The following ERC2 variants were observed in gnomAD, a reference collection of about 807,000 sequenced individuals.
ERC2 encodes the protein ERC protein 2.
A neutral mutation model predicts 114.8 loss-of-function variants in ERC2; 42 were observed. The ratio of observed to expected loss-of-function variants is 0.37; its 90% CI spans 0.29 to 0.47. ERC2 has a LOEUF of 0.47. Ranked by LOEUF, ERC2 falls within the 20% of genes least tolerant of loss-of-function variation. The pLI is 0.99. For synonymous variants in ERC2, 454 were observed against 425.5 expected (o/e 1.07, Z -0.82); for missense variants, 939 against 1,150.7 (o/e 0.82, Z 2.66).
rs777810290 is a variant in ERC2, at chr3:55,888,488, C to A, written c.2465G>T (p.Arg822Leu). Reference sequence around the variant, plus strand: ...CAGGGACTGTTGTGTGGAGGCGAGGCGTGCTTTGGTGGCATCCAGTTCCTG... The same window carrying A: ...CAGGGACTGTTGTGTGGAGGCGAGGAGTGCTTTGGTGGCATCCAGTTCCTG... The part of the protein sequence containing the change: ...TRQELDATKA[R>L]LASTQQSLAE... Residue 822 changes from arginine (R) to leucine (L), a missense_variant, in exon 14 of 18, where the codon CGC (arginine) becomes CTC (leucine). Arg to Leu is a moderately radical substitution (Grantham distance 102, BLOSUM62 -2). Around this residue, in one of 5 missense-constraint regions of ERC2, gnomAD observed 328 missense variants for 353.9 expected, o/e 0.93. Transcript: ENST00000288221. The A allele has an allele frequency of 1.9e-6, 3 of 1,613,744 alleles. No homozygotes were observed. Among genetic ancestry groups the A allele is most frequent in the Admixed American group, 1.7e-5 (1 of 59,984 alleles).
intron 17 of ERC2, among the ~76,000 whole-genome samples, chr3:55,577,829 A>G (rs184946321): frequency 1.4e-4 from 21 of 152,292 alleles, no homozygotes; most frequent in African/African-American, 4.3e-4. Context: ...ACCTCTCCCG[A>G]TCCACTGGAG....
At chr3:56,301,002 C>G (rs2055836730) in intron 2 of ERC2, among the ~76,000 whole-genome samples, 1 of 152,196 alleles carries the variant, frequency 6.6e-6, no homozygotes, top group Non-Finnish European at 1.5e-5. Flanking sequence ...GTAATCCCAG[C>G]ACTTCGGGAG....
chr3:56,360,193 G>A (rs1448332720), intron 2 of ERC2, among the ~76,000 whole-genome samples: 2 of 150,986 alleles, frequency 1.3e-5, no homozygotes, highest in African/African-American at 4.9e-5. Context: ...GGGACTACAG[G>A]CACCCACCAC....
At chr3:56,427,419 C>T (rs1194375526) in intron 2 of ERC2, among the ~76,000 whole-genome samples, 1 of 152,086 alleles carries the variant, frequency 6.6e-6, no homozygotes, top group African/African-American at 2.4e-5. Flanking sequence ...AGCCACTGCA[C>T]CCAGCCTAGT....
At chr3:55,639,239 G>A (rs1170239889) in intron 17 of ERC2, among the ~76,000 whole-genome samples, 1 of 152,194 alleles carries the variant, frequency 6.6e-6, no homozygotes, top group Non-Finnish European at 1.5e-5. Flanking sequence ...GACCAGGTAG[G>A]AGAAGAGCAC....
intron 11 of ERC2, among the ~76,000 whole-genome samples, chr3:55,989,914 A>G (rs1379720): frequency 0.71 from 107,853 of 151,998 alleles, 38,382 homozygotes; most frequent in East Asian, 0.83. Context: ...ATAGCTCACC[A>G]CTTCTCAGAG....
intron 14 of ERC2, among the ~76,000 whole-genome samples, chr3:55,754,480 G>A (rs12107286): frequency 0.17 from 22,860 of 131,038 alleles, 1,996 homozygotes; most frequent in Middle Eastern, 0.25. Context: ...ATATTTCAAC[G>A]GCTCTTCAGA....
chr3:55,673,125 C>G (rs1302454595), intron 17 of ERC2, among the ~76,000 whole-genome samples: 1 of 152,184 alleles, frequency 6.6e-6, no homozygotes, highest in East Asian at 1.9e-4. Context: ...TCTCATTCCA[C>G]ATTCCGTGAG....
At chr3:56,030,974 C>G (rs563072717) in intron 7 of ERC2, among the ~76,000 whole-genome samples, 1 of 152,176 alleles carries the variant, frequency 6.6e-6, no homozygotes, top group Non-Finnish European at 1.5e-5. Flanking sequence ...AGGCCTACTC[C>G]GATGAACCCT....
intron 17 of ERC2, among the ~76,000 whole-genome samples, chr3:55,663,515 G>C (rs1164837616): frequency 6.6e-6 from 1 of 152,112 alleles, no homozygotes; most frequent in Non-Finnish European, 1.5e-5. Context: ...CAGACCCTTG[G>C]GTTTGCATGT....
rs1490819079 is a variant in ERC2 at position 56,193,686 on chromosome 3, T to C, written c.1075-20166A>G. Among the ~76,000 whole-genome samples, 4 of 152,146 alleles carry C rather than the reference T, an allele frequency of 2.6e-5. No individual in the cohort carries two copies. In the East Asian group the frequency reaches 5.8e-4, roughly 22 times the overall value. On this transcript the variant is annotated intron_variant, in intron 3 of 17. Transcript: ENST00000288221. ...CCAATGCATGAGCTCATTTTCATCA[T>C]GACAAGAAACTGATGAGACCAGTAC...
intron 3 of ERC2, among the ~76,000 whole-genome samples, chr3:56,245,539 T>C (rs986242685): frequency 1.3e-5 from 2 of 151,764 alleles, no homozygotes; most frequent in Non-Finnish European, 2.9e-5. Flanking sequence ...TGTGTGTTAA[T>C]AGATATACAC....
intron 14 of ERC2, among the ~76,000 whole-genome samples, chr3:55,860,376 C>T (rs2061978191): frequency 6.6e-6 from 1 of 152,184 alleles, no homozygotes; most frequent in South Asian, 2.1e-4. Context: ...GGGCGATGTG[C>T]ACCCCCCGCC....
intron 13 of ERC2, among the ~76,000 whole-genome samples, chr3:55,940,923 A>G (rs2066745379): frequency 6.6e-6 from 1 of 152,194 alleles, no homozygotes; most frequent in Admixed American, 6.5e-5. Flanking sequence ...ACTGTGCCCA[A>G]TAAAAGGCAT....
intron 13 of ERC2, among the ~76,000 whole-genome samples, chr3:55,903,810 C>A (rs1414486257): frequency 6.6e-6 from 1 of 152,192 alleles, no homozygotes; most frequent in African/African-American, 2.4e-5. Flanking sequence ...GGCTGTCAGG[C>A]CCACTCCTCT....
chr3:55,906,299 G>A (rs1361555197), intron 13 of ERC2, among the ~76,000 whole-genome samples: 1 of 151,974 alleles, frequency 6.6e-6, no homozygotes, highest in African/African-American at 2.4e-5. Context: ...GGGCATGGTG[G>A]CAGGCGCCTG....
chr3:56,127,135 A>G (rs2079923940), intron 6 of ERC2, among the ~76,000 whole-genome samples: 1 of 152,226 alleles, frequency 6.6e-6, no homozygotes, highest in African/African-American at 2.4e-5. Flanking sequence ...AGATTACCAC[A>G]ATGAAAAATA....
chr3:55,923,526 T>TA (rs147808085), intron 13 of ERC2, among the ~76,000 whole-genome samples: 9 of 150,998 alleles, frequency 6.0e-5, no homozygotes, highest in East Asian at 1.9e-4. Flanking sequence ...TTTGCCACAA[T>TA]AAAAAAAAAG....
intron 3 of ERC2, among the ~76,000 whole-genome samples, chr3:56,230,633 G>T (rs2050558195): frequency 6.6e-6 from 1 of 151,750 alleles, no homozygotes; most frequent in Admixed American, 6.6e-5. Context: ...CAAAGTCATT[G>T]CTCAGGAAAA....
Sources: gnomAD v4.1 joint callset for allele counts (sites outside exome capture counted in the v4.1 genomes callset) on GRCh38, gnomAD v4.1.1 for gene constraint, gnomAD v4.1.1 regional missense constraint, MANE v1.5 for transcripts, NCBI Gene and HGNC (gene_info 2026-07-23, HGNC 2026-07-21) for gene names.